AMY2B: variants seen among roughly 807,000 people sequenced by gnomAD.
The protein encoded by AMY2B is amylase alpha 2B.
A neutral mutation model predicts 59.3 loss-of-function variants in AMY2B; 63 were observed. That is an observed-to-expected ratio of 1.06 (90% CI 0.87 to 1.31). AMY2B has a LOEUF of 1.31. Ranked by LOEUF, AMY2B falls within the 50% of genes most tolerant of loss-of-function variation. The pLI is 0.00. For synonymous variants in AMY2B, 180 were observed against 198.1 expected (o/e 0.91, Z 0.77); for missense variants, 635 against 626.7 (o/e 1.01, Z -0.14).
At position 103,575,556 on chromosome 1, in the gene AMY2B, G is replaced by A. The variant is rs760465754; in HGVS notation, c.1101+16G>A. The A allele has an allele frequency of 1.2e-6, 2 of 1,612,900 alleles. No homozygotes were observed. Among genetic ancestry groups the A allele is most frequent in the African/African-American group, 1.3e-5 (1 of 74,978 alleles). Reference sequence around the variant, plus strand: ...AAATGGAAACGTAAGTTTTGAAATTGTTCAAACTATCCTTTTCTCAAGAAA... The same window carrying A: ...AAATGGAAACGTAAGTTTTGAAATTATTCAAACTATCCTTTTCTCAAGAAA... On this transcript the variant is annotated intron_variant, in intron 7 of 9. Coordinates refer to ENST00000684275, the MANE Select transcript of AMY2B (RefSeq NM_001387437.1).
chr1:103,575,383 T>A, intron 6 of AMY2B, 38 bp downstream of exon 6: 1 of 1,613,072 alleles, frequency 6.2e-7, no homozygotes, highest in Non-Finnish European at 8.5e-7. Context: ...TAACACATCT[T>A]TTAATGATGG....
At chr1:103,576,183 G>A (rs1022997861) in intron 7 of AMY2B, among the ~76,000 whole-genome samples, 27 of 152,242 alleles carry the variant, frequency 1.8e-4, no homozygotes, top group Admixed American at 1.8e-3. Flanking sequence ...AAAGCTAGTA[G>A]AAGGTTTTCT....
At position 103,573,699 on chromosome 1, in the gene AMY2B, C is replaced by A; in HGVS notation, c.514-9C>A. ...TTATGAATCAATCATAACATTTTTA[C>A]CTCAACAGGTCAGAGATTGTCGTCT... is the stretch of plus-strand genomic sequence containing the variant. On this transcript the variant is annotated splice_polypyrimidine_tract_variant and intron_variant, in intron 3 of 9. Coordinates refer to ENST00000684275, the MANE Select transcript of AMY2B (RefSeq NM_001387437.1). 6.2e-7 allele frequency: 1 copy of A among 1,613,582 alleles called. No homozygotes were observed. Among genetic ancestry groups the A allele is most frequent in the Non-Finnish European group, 8.5e-7 (1 of 1,179,624 alleles).
At chr1:103,556,365 A>G (rs1355513453) in intron 1 of AMY2B, among the ~76,000 whole-genome samples, 2 of 152,176 alleles carry the variant, frequency 1.3e-5, no homozygotes, top group Non-Finnish European at 2.9e-5. Context: ...AGATAATAAA[A>G]GAGAGATATG....
chr1:103,564,510 T>G (rs1651844239), intron 1 of AMY2B, among the ~76,000 whole-genome samples: 1 of 152,196 alleles, frequency 6.6e-6, no homozygotes, highest in South Asian at 2.1e-4. Context: ...TTTGCTACTT[T>G]GAAGGCACCT....
chr1:103,564,332 G>A (rs907183571), intron 1 of AMY2B, among the ~76,000 whole-genome samples: 3 of 151,960 alleles, frequency 2.0e-5, no homozygotes, highest in South Asian at 2.1e-4. Context: ...AGTTCAAATG[G>A]TGCCCCTCTT....
At chr1:103,558,074 A>G (rs1390048143) in intron 1 of AMY2B, among the ~76,000 whole-genome samples, 2 of 152,186 alleles carry the variant, frequency 1.3e-5, no homozygotes, top group Admixed American at 6.5e-5. Flanking sequence ...ACTATTGTTC[A>G]TAAATATTAG....
chr1:103,569,583 G>A, upstream of AMY2B: 1 of 377,536 alleles, frequency 2.6e-6, no homozygotes. Flanking sequence ...ACTGGTGATT[G>A]ACAATGGCTC....
At chr1:103,557,387 A>G (rs1651590360) in intron 1 of AMY2B, among the ~76,000 whole-genome samples, 1 of 152,172 alleles carries the variant, frequency 6.6e-6, no homozygotes, top group Non-Finnish European at 1.5e-5. Context: ...GCAGTGGCTC[A>G]CGGCTGTAAT....
chr1:103,571,684 A>G lies in AMY2B; in HGVS notation c.82A>G (p.Ile28Val), dbSNP rs554748949. The change falls in exon 1 of 10, where the codon ATT becomes GTT. Residue 28 changes from isoleucine to valine, a missense_variant. Coordinates refer to ENST00000684275, the MANE Select transcript of AMY2B (RefSeq NM_001387437.1). Reference sequence around the variant, plus strand: ...AAATACACAACAAGGACGGACATCTATTGTTCATCTGTTTGAATGGCGATG... The same window carrying G: ...AAATACACAACAAGGACGGACATCTGTTGTTCATCTGTTTGAATGGCGATG... ...SPNTQQGRTSIVHLFEWRWVD... is the reference protein window; with the variant it reads ...SPNTQQGRTSVVHLFEWRWVD... 5.0e-6 allele frequency: 8 copies of G among 1,611,752 alleles called. No individual in the cohort carries two copies. Among genetic ancestry groups the G allele is most frequent in the African/African-American group, 1.3e-5 (1 of 74,818 alleles).
Position 103,573,170 on chromosome 1 carries a change from T to A in AMY2B, c.423T>A (p.Phe141Leu). The A allele has an allele frequency of 6.2e-7, 1 of 1,613,786 alleles. No homozygotes were observed. The highest frequency in any genetic ancestry group is 1.1e-5 in the South Asian group (1 of 91,078). ...ACTTCAACCCTGGAAGTAGGGACTT[T>A]CCAGCAGTCCCATATTCTGGATGGG... ...GSYFNPGSRD[F>L]PAVPYSGWDF... Residue 141 changes from phenylalanine to leucine, a missense_variant, in exon 3 of 10, where the codon TTT becomes TTA. By Grantham distance (22) the Phe-to-Leu change is conservative. Coordinates refer to ENST00000684275, the MANE Select transcript of AMY2B (RefSeq NM_001387437.1).
upstream of AMY2B, chr1:103,569,581 T>C: frequency 2.7e-6 from 1 of 376,420 alleles, no homozygotes; most frequent in Non-Finnish European, 5.4e-6. Flanking sequence ...GTACTGGTGA[T>C]TGACAATGGC....
At chr1:103,568,752 A>G (rs1014172113), upstream of AMY2B, 3 of 151,774 alleles carry the variant, frequency 2.0e-5, no homozygotes, top group Admixed American at 1.3e-4. Context: ...ACACACATAT[A>G]TAAAGACTAT....
chr1:103,572,542 G>C (rs1413009600), intron 2 of AMY2B, among the ~76,000 whole-genome samples: 1 of 152,052 alleles, frequency 6.6e-6, no homozygotes, highest in Non-Finnish European at 1.5e-5. Flanking sequence ...AGAGTTTTCT[G>C]GTTAAGAGTT....
chr1:103,560,720 T>A (rs914318710), intron 1 of AMY2B, among the ~76,000 whole-genome samples: 1 of 152,164 alleles, frequency 6.6e-6, no homozygotes, highest in African/African-American at 2.4e-5. Flanking sequence ...TGAAATTACT[T>A]CTGTATTTTT....
At chr1:103,567,293 A>C (rs549867407), upstream of AMY2B, among the ~76,000 whole-genome samples, 2 of 152,198 alleles carry the variant, frequency 1.3e-5, no homozygotes, top group Admixed American at 1.3e-4. Flanking sequence ...AAATATGAGG[A>C]ACTTCTAGTT....
chr1:103,573,303 T>C (rs1226504769), intron 3 of AMY2B, 43 bp downstream of exon 3: 7 of 1,611,980 alleles, frequency 4.3e-6, no homozygotes, highest in Non-Finnish European at 5.1e-6. Context: ...GGGTGATATA[T>C]GCCTTTTCTT....
At position 103,573,491 on chromosome 1, in the gene AMY2B, A is replaced by C. The variant is rs1317921554; in HGVS notation, c.514-217A>C. On this transcript the variant is annotated intron_variant, in intron 3 of 9. Transcript: ENST00000684275. ...CTTTTAAAAAGCTCCCAACCAATTA[A>C]AAAGCTCGTCGACTTTATTTCCTAA... is the stretch of plus-strand genomic sequence containing the variant. 6.6e-5 allele frequency among the ~76,000 whole-genome samples: 10 copies of C among 152,140 alleles called. 1 individual carries two copies. The highest frequency in any genetic ancestry group is 3.8e-4 in the East Asian group (2 of 5,196).
intron 7 of AMY2B, among the ~76,000 whole-genome samples, chr1:103,576,470 T>G (rs193017558): frequency 6.6e-4 from 100 of 152,278 alleles, no homozygotes; most frequent in African/African-American, 2.4e-3. Flanking sequence ...CACTATAACT[T>G]TTCCACTTTC....
Sources: gnomAD v4.1 joint callset for allele counts (sites outside exome capture counted in the v4.1 genomes callset) on GRCh38, gnomAD v4.1.1 for gene constraint, MANE v1.5 for transcripts, NCBI Gene and HGNC (gene_info 2026-07-23, HGNC 2026-07-21) for gene names.